Variants in MTMR11 observed in about 807,000 individuals in gnomAD.
MTMR11 encodes myotubularin-related protein 11.
Under a neutral mutation model 100.0 loss-of-function variants are expected in MTMR11, and 89 were observed. The observed-to-expected ratio is 0.89, with a 90% CI of 0.75 to 1.06. MTMR11 has a LOEUF of 1.06. Among genes scored for constraint, MTMR11 ranks in the 50% least tolerant of loss-of-function variants. The pLI is 0.00. For synonymous variants in MTMR11, 336 were observed against 326.3 expected, an observed-to-expected ratio of 1.03 and a Z score of -0.32; for missense variants, 809 against 873.7, an observed-to-expected ratio of 0.93 and a Z score of 0.93.
At position 149,935,290 on chromosome 1, in the gene MTMR11, C is replaced by A. The variant is rs55966070; in HGVS notation, c.325+9G>T. 0.065 allele frequency: 105,149 copies of A among 1,612,720 alleles called. 3,851 individuals carry two copies. Among genetic ancestry groups the A allele is most frequent in the Non-Finnish European group, 0.075 (88,021 of 1,178,926 alleles). ...GTGAACCCCTTCACCAAACCCCCCC[C>A]CAACTTACCAGCCTCTAATCGTCCA... On this transcript the variant is annotated intron_variant, in intron 4 of 16. Transcript: ENST00000439741.
rs782383484 is a variant in MTMR11, at chr1:149,930,929, G to A, written c.1327C>T (p.Gln443Ter). ...TCAGCTGGAAACTGCTGGAGGAGCT[G>A]CCAGACACAATCAAGGAAGAGGAGA... ...VFLLFLDCVW[Q>*]LLQQFPADFE... Residue 443 changes from glutamine (Q) to a stop codon, truncating the protein, a stop_gained, in exon 14 of 17, where the codon CAG becomes TAG. Transcript: ENST00000439741. LOFTEE classifies it high-confidence loss of function. 2 of 1,611,784 alleles carry A rather than the reference G, an allele frequency of 1.2e-6. No homozygotes were observed. The highest frequency in any genetic ancestry group is 2.2e-5 in the South Asian group (2 of 90,666).
chr1:149,930,778 T>C lies in MTMR11; in HGVS notation c.1464+14A>G. ...TGGAAAAAAAAACACGAGTCAAAAA[T>C]AGAAGTCACTGACCTGTCCGCTCTG... On this transcript the variant is annotated intron_variant, in intron 14 of 16. Transcript: ENST00000439741. 1 of 1,535,048 alleles carries C rather than the reference T, an allele frequency of 6.5e-7. No individual in the cohort carries two copies. The highest frequency in any genetic ancestry group is 8.7e-7 in the Non-Finnish European group (1 of 1,145,362).
At chr1:149,933,754 C>T in intron 8 of MTMR11, 56 bp from the exon 9 acceptor site, 1 of 1,611,262 alleles carries the variant, frequency 6.2e-7, no homozygotes, top group Non-Finnish European at 8.5e-7. Flanking sequence ...TCCACGCTAC[C>T]CTTGCCCCCA....
chr1:149,930,165 G>A (rs1188297514), intron 15 of MTMR11, 200 bp downstream of exon 15: 3 of 683,348 alleles, frequency 4.4e-6, no homozygotes, highest in Non-Finnish European at 7.3e-6. Context: ...ACTTGAGGAA[G>A]GACAAAAAGG....
intron 16 of MTMR11, 67 bp downstream of exon 16, chr1:149,929,556 C>G: frequency 6.6e-7 from 1 of 1,521,968 alleles, no homozygotes; most frequent in Non-Finnish European, 8.9e-7. Context: ...GCCTTTCCAG[C>G]TCCTGTTCAT....
At position 149,928,805 on chromosome 1, in the gene MTMR11, TG is replaced by T; in HGVS notation, c.*323del. ...GAATTAAAGCAGCAGCAAGGCGAGG[TG>T]AGAATGCGATTTCTAGGCCATCTTG... On this transcript the variant is annotated 3_prime_UTR_variant, in exon 17 of 17. Coordinates refer to ENST00000439741, the MANE Select transcript of MTMR11 (RefSeq NM_001145862.2). The T allele has an allele frequency of 6.7e-7, 1 of 1,483,438 alleles. No individual in the cohort carries two copies. Among genetic ancestry groups the T allele is most frequent in the Non-Finnish European group, 9.4e-7 (1 of 1,062,246 alleles). 91.9% of individuals were successfully genotyped at this position (1,483,438 alleles called of 1,614,324 possible). A position where few individuals can be genotyped will look rare whatever the true frequency, so the allele number is the denominator to read the frequency against.
At position 149,934,128 on chromosome 1, in the gene MTMR11, GAGGATCA is replaced by G. The variant is rs1553768380; in HGVS notation, c.683+56_683+62del. ...GAGTTTGTGGGAAGTCCTAGCTTTAGAGGATCAAGGAACTAAGGGAAGATTGGGAGAG... is the reference window on the plus strand; with the variant it reads ...GAGTTTGTGGGAAGTCCTAGCTTTAGAGGAACTAAGGGAAGATTGGGAGAG... On this transcript the variant is annotated intron_variant, in intron 7 of 16. Transcript: ENST00000439741. The G allele has an allele frequency of 3.5e-4, 563 of 1,607,666 alleles. 3 individuals are homozygous for G. The South Asian group carries it at 5.6e-3, about 16-fold the overall frequency.
At chr1:149,932,699 G>A (rs1259953701) in intron 10 of MTMR11, among the ~76,000 whole-genome samples, 1 of 151,966 alleles carries the variant, frequency 6.6e-6, no homozygotes, top group Non-Finnish European at 1.5e-5. Context: ...TAATCCCAGC[G>A]CTTTAGGAGG....
At chr1:149,936,444 A>ACCAGGCTCCATCAGCTTC (rs2092723576) in intron 1 of MTMR11, 138 bp downstream of exon 1, 2 of 1,377,494 alleles carry the variant, frequency 1.5e-6, no homozygotes, top group Admixed American at 2.7e-5. Context: ...AGAAAGACGG[A>ACCAGGCTCCATCAGCTTC]CCAGGCTCCA....
chr1:149,932,729 T>G (rs2092676107), intron 10 of MTMR11, among the ~76,000 whole-genome samples: 2 of 152,126 alleles, frequency 1.3e-5, no homozygotes, highest in South Asian at 2.1e-4. Context: ...GTGGATCATC[T>G]GAGGAGTTTG....
intron 12 of MTMR11, 54 bp from the exon 13 acceptor site, chr1:149,931,480 C>A: frequency 6.7e-7 from 1 of 1,483,236 alleles, no homozygotes; most frequent in Non-Finnish European, 9.1e-7. Flanking sequence ...GAAACTAGGG[C>A]AGAAGAGAAT....
rs2092725263 is a variant in MTMR11 at position 149,936,564 on chromosome 1, C to T, written c.66+18G>A. ...TTCTCACCCTCTTGCCGACACCCCC[C>T]AAATTCCTTCTCCTTACCCCCATCT... On this transcript the variant is annotated intron_variant, in intron 1 of 16. Coordinates refer to ENST00000439741, the MANE Select transcript of MTMR11 (RefSeq NM_001145862.2). 4 of 1,505,672 alleles carry T rather than the reference C, an allele frequency of 2.7e-6. No homozygotes were observed. The Admixed American group carries it at 6.0e-5, about 23-fold the overall frequency. The allele number at this position is 1,505,672 out of a possible 1,614,324, so 93.3% of individuals were successfully genotyped here. A position where few individuals can be genotyped will look rare whatever the true frequency, so the allele number is the denominator to read the frequency against.
chr1:149,929,124 C>T lies in MTMR11; in HGVS notation c.*5G>A. On this transcript the variant is annotated 3_prime_UTR_variant, in exon 17 of 17. Transcript: ENST00000439741. ...AAAAAAAAAAAGATTAGACAGAACCCTCCTCTACCCCAGATCCCCCTCTGC... is the reference window on the plus strand; with the variant it reads ...AAAAAAAAAAAGATTAGACAGAACCTTCCTCTACCCCAGATCCCCCTCTGC... 6.2e-7 allele frequency: 1 copy of T among 1,604,682 alleles called. No individual in the cohort carries two copies. The highest frequency in any genetic ancestry group is 1.1e-5 in the South Asian group (1 of 89,534).
Position 149,933,635 on chromosome 1 carries a change from T to A in MTMR11, c.835A>T (p.Ser279Cys). Residue 279 changes from serine to cysteine, a missense_variant, in exon 9 of 17, where the codon AGT becomes TGT. Coordinates refer to ENST00000439741, the MANE Select transcript of MTMR11 (RefSeq NM_001145862.2). Reference sequence around the variant, plus strand: ...CTGATATCCTCCTTGTTAGGGTCACTGGCTGTATAGAAGCCTCCACAGCGG... The same window carrying A: ...CTGATATCCTCCTTGTTAGGGTCACAGGCTGTATAGAAGCCTCCACAGCGG... ...LLRCGGFYTA[S>C]DPNKEDIRAV... is the part of the protein sequence containing the mutation. 1 of 1,614,200 alleles carries A rather than the reference T, an allele frequency of 6.2e-7. No individual in the cohort carries two copies. Among genetic ancestry groups the A allele is most frequent in the South Asian group, 1.1e-5 (1 of 91,092 alleles).
In MTMR11 at chr1:149,929,829, G is replaced by A. The variant is rs782380721; in HGVS notation, c.1735C>T (p.Arg579Trp). Residue 579 changes from arginine to tryptophan, a missense_variant, in exon 16 of 17, where the codon CGG becomes TGG. Transcript: ENST00000439741. ...ACTGCCAGCAGGGAAGGACTGTCCCGCCAAGGACAGAGCTGATTCAGGGGG... is the reference window on the plus strand; with the variant it reads ...ACTGCCAGCAGGGAAGGACTGTCCCACCAAGGACAGAGCTGATTCAGGGGG... ...LTPLNQLCPW[R>W]DSPSLLAVSS... 8.2e-5 allele frequency: 132 copies of A among 1,613,986 alleles called. No individual in the cohort carries two copies. The highest frequency in any genetic ancestry group is 6.3e-4 in the South Asian group (57 of 91,070).
chr1:149,931,095 G>C (rs2092654114), intron 13 of MTMR11, 130 bp from the exon 14 acceptor site: 1 of 1,338,816 alleles, frequency 7.5e-7, no homozygotes, highest in South Asian at 1.5e-5. Context: ...AATCTGAATT[G>C]AGGGTAGCAG....
intron 16 of MTMR11, 24 bp from the exon 17 acceptor site, chr1:149,929,341 A>G: frequency 1.3e-6 from 2 of 1,590,804 alleles, no homozygotes; most frequent in African/African-American, 1.3e-5. Context: ...AAAGAGGAAC[A>G]GAGAAGAATA....
intron 10 of MTMR11, 23 bp downstream of exon 10, chr1:149,933,383 T>A: frequency 6.2e-7 from 1 of 1,613,664 alleles, no homozygotes; most frequent in Non-Finnish European, 8.5e-7. Flanking sequence ...GGGTGAGGGT[T>A]AGGGGTCAAA....
intron 7 of MTMR11, 111 bp downstream of exon 7, chr1:149,934,080 T>G: frequency 6.4e-7 from 1 of 1,567,438 alleles, no homozygotes; most frequent in South Asian, 1.1e-5. Flanking sequence ...GGGAGATAGC[T>G]TTGTGGGTGT....
Sources: gnomAD v4.1 joint callset for allele counts (sites outside exome capture counted in the v4.1 genomes callset) on GRCh38, gnomAD v4.1.1 for gene constraint, MANE v1.5 for transcripts, NCBI Gene and HGNC (gene_info 2026-07-23, HGNC 2026-07-21) for gene names.